RFX3: variants seen among roughly 807,000 people sequenced by gnomAD.
RFX3 encodes the protein transcription factor RFX3.
RFX3 carries 14 observed loss-of-function variants against 98.6 expected under a neutral mutation model. The ratio of observed to expected loss-of-function variants is 0.14; its 90% CI spans 0.09 to 0.22. The LOEUF is 0.22. Ranked by LOEUF, RFX3 falls within the 10% of genes least tolerant of loss-of-function variation. RFX3 has a pLI of 1.00. For synonymous variants in RFX3, 383 were observed against 328.4 expected (o/e 1.17, Z -1.80); for missense variants, 639 against 926.9 (o/e 0.69, Z 4.03).
intron 3 of RFX3, among the ~76,000 whole-genome samples, chr9:3,342,460 C>G (rs532145874): frequency 1.3e-3 from 201 of 152,218 alleles, no homozygotes; most frequent in African/African-American, 4.4e-3. Context: ...ACAATGCATA[C>G]TTTTGCATTT....
intron 9 of RFX3, among the ~76,000 whole-genome samples, chr9:3,275,213 T>A (rs1281695537): frequency 6.6e-6 from 1 of 151,976 alleles, no homozygotes; most frequent in Non-Finnish European, 1.5e-5. Context: ...CAGATATAAA[T>A]ATTTTTGTAG....
chr9:3,314,412 A>G (rs1427698332), intron 4 of RFX3, among the ~76,000 whole-genome samples: 1 of 152,244 alleles, frequency 6.6e-6, no homozygotes, highest in Non-Finnish European at 1.5e-5. Context: ...CAGCCACTGC[A>G]AAAACATGCC....
At chr9:3,249,447 C>G (rs1821101888) in intron 14 of RFX3, among the ~76,000 whole-genome samples, 1 of 152,082 alleles carries the variant, frequency 6.6e-6, no homozygotes, top group South Asian at 2.1e-4. Context: ...TTAGTCTTAT[C>G]TAACTTACAT....
At chr9:3,289,269 C>G (rs1463414759) in intron 6 of RFX3, among the ~76,000 whole-genome samples, 1 of 151,844 alleles carries the variant, frequency 6.6e-6, no homozygotes, top group Non-Finnish European at 1.5e-5. Context: ...ATTAAATGAA[C>G]CTTATATATA....
At chr9:3,353,735 C>A (rs1273956244) in intron 2 of RFX3, among the ~76,000 whole-genome samples, 1 of 151,970 alleles carries the variant, frequency 6.6e-6, no homozygotes, top group Non-Finnish European at 1.5e-5. Flanking sequence ...AGGAAGACAG[C>A]AAAATCCAGA....
At chr9:3,514,243 G>C (rs1337597503) in intron 1 of RFX3, among the ~76,000 whole-genome samples, 1 of 152,116 alleles carries the variant, frequency 6.6e-6, no homozygotes, top group African/African-American at 2.4e-5. Context: ...TGTTCCTAAT[G>C]ATCCTCCAAG....
intron 2 of RFX3, among the ~76,000 whole-genome samples, chr9:3,384,835 A>G (rs1839542984): frequency 6.6e-6 from 1 of 151,964 alleles, no homozygotes; most frequent in African/African-American, 2.4e-5. Flanking sequence ...CTCTGTTTCA[A>G]CTCCACAAAC....
chr9:3,458,186 A>T (rs74976820), intron 1 of RFX3, among the ~76,000 whole-genome samples: 3,695 of 152,212 alleles, frequency 0.024, 153 homozygotes, highest in African/African-American at 0.084. Context: ...ATAACTTAAA[A>T]ATATGGGGTC....
At chr9:3,228,932 G>C in intron 15 of RFX3, 43 bp from the exon 16 acceptor site, 1 of 1,534,706 alleles carries the variant, frequency 6.5e-7, no homozygotes, top group Non-Finnish European at 8.9e-7. Context: ...ATATAGGGCA[G>C]AATAAAATAA....
At chr9:3,452,309 G>A in intron 1 of RFX3, 1 of 238,888 alleles carries the variant, frequency 4.2e-6, no homozygotes, top group Non-Finnish European at 9.0e-6. Flanking sequence ...AACAACTAAT[G>A]GCCAGGCACA....
At chr9:3,288,280 CAA>C (rs1413907484) in intron 6 of RFX3, 30 bp from the exon 7 acceptor site, 1 of 1,605,880 alleles carries the variant, frequency 6.2e-7, no homozygotes, top group African/African-American at 1.3e-5. Context: ...ACATTAGAAA[CAA>C]AAGTCAGTCA....
chr9:3,466,338 G>C (rs1388953472), intron 1 of RFX3, among the ~76,000 whole-genome samples: 1 of 152,038 alleles, frequency 6.6e-6, no homozygotes, highest in Non-Finnish European at 1.5e-5. Flanking sequence ...TCCTTGTCTT[G>C]CTCTACTGGC....
At chr9:3,383,654 T>C (rs893717726) in intron 2 of RFX3, among the ~76,000 whole-genome samples, 1 of 152,178 alleles carries the variant, frequency 6.6e-6, no homozygotes, top group Non-Finnish European at 1.5e-5. Context: ...CAGTTTGCTT[T>C]AAATAGAAAG....
chr9:3,226,946 G>T (rs552063420), intron 16 of RFX3, among the ~76,000 whole-genome samples: 1 of 152,104 alleles, frequency 6.6e-6, no homozygotes, highest in African/African-American at 2.4e-5. Flanking sequence ...ATATTATCAA[G>T]AATAAGAATT....
chr9:3,498,690 A>G (rs1300429532), intron 1 of RFX3, among the ~76,000 whole-genome samples: 1 of 152,114 alleles, frequency 6.6e-6, no homozygotes, highest in East Asian at 1.9e-4. Context: ...CACAAACAGC[A>G]GTAGTTTTAT....
chr9:3,308,512 CA>C (rs1282772729), intron 4 of RFX3, among the ~76,000 whole-genome samples: 1 of 152,070 alleles, frequency 6.6e-6, no homozygotes, highest in African/African-American at 2.4e-5. Context: ...CAAAGCCTGG[CA>C]AAGGTTCAAG....
chr9:3,409,343 G>A (rs544340793), intron 1 of RFX3, among the ~76,000 whole-genome samples: 14 of 152,108 alleles, frequency 9.2e-5, no homozygotes, highest in African/African-American at 2.9e-4. Flanking sequence ...TGTTGCTTCC[G>A]TTTTAAGTAA....
At chr9:3,464,043 C>A (rs998660011) in intron 1 of RFX3, among the ~76,000 whole-genome samples, 3 of 152,002 alleles carry the variant, frequency 2.0e-5, no homozygotes, top group African/African-American at 7.2e-5. Flanking sequence ...AAAAAATGTT[C>A]AAAAAATTAA....
intron 4 of RFX3, among the ~76,000 whole-genome samples, chr9:3,324,994 A>T (rs1335170823): frequency 6.6e-6 from 1 of 152,120 alleles, no homozygotes; most frequent in Non-Finnish European, 1.5e-5. Context: ...AAATAAAAAA[A>T]TAAGAGAGAA....
Sources: gnomAD v4.1 joint callset for allele counts (sites outside exome capture counted in the v4.1 genomes callset) on GRCh38, gnomAD v4.1.1 for gene constraint, MANE v1.5 for transcripts, NCBI Gene and HGNC (gene_info 2026-07-23, HGNC 2026-07-21) for gene names.